The following ZNF536 variants were observed in gnomAD, a reference collection of about 807,000 sequenced individuals.
ZNF536 encodes the protein zinc finger protein 536.
Under a neutral mutation model 84.5 loss-of-function variants are expected in ZNF536, and 13 were observed. The observed-to-expected ratio is 0.15, with a 90% confidence interval of 0.10 to 0.24. ZNF536 has a LOEUF of 0.24. ZNF536 is among the 10% of genes least tolerant of loss of function. ZNF536 has a pLI of 1.00. For synonymous variants in ZNF536, 811 were observed against 742.5 expected, an observed-to-expected ratio of 1.09 and a Z score of -1.50; for missense variants, 1,536 against 1,747.5, an observed-to-expected ratio of 0.88 and a Z score of 2.16.
At chr19:30,712,102 GT>G (rs2052471218) in exon 2 of ZNF536, 1 of 152,010 alleles carries the variant, frequency 6.6e-6, no homozygotes, top group Admixed American at 6.5e-5. Flanking sequence ...GACGAAAACT[GT>G]TTGAGTTAAA....
At chr19:30,458,236 C>T (rs752683084) in intron 2 of ZNF536, among the ~76,000 whole-genome samples, 4 of 152,058 alleles carry the variant, frequency 2.6e-5, no homozygotes, top group Non-Finnish European at 4.4e-5. Flanking sequence ...TCCTCCACAT[C>T]ATGGGAATTT....
chr19:30,517,934 ACTTGGG>A (rs1439422805), intron 2 of ZNF536, among the ~76,000 whole-genome samples: 1 of 152,140 alleles, frequency 6.6e-6, no homozygotes, highest in Non-Finnish European at 1.5e-5. Flanking sequence ...ATAGGAAAGG[ACTTGGG>A]CGAGGTCATT....
intron 1 of ZNF536, among the ~76,000 whole-genome samples, chr19:30,663,851 C>T (rs2050208675): frequency 6.6e-6 from 1 of 152,178 alleles, no homozygotes; most frequent in African/African-American, 2.4e-5. Context: ...CTATTAAAGA[C>T]AGATCTTTAC....
At chr19:30,482,986 CCTT>C (rs2054150285) in intron 2 of ZNF536, among the ~76,000 whole-genome samples, 2 of 152,206 alleles carry the variant, frequency 1.3e-5, no homozygotes, top group Non-Finnish European at 2.9e-5. Flanking sequence ...GGACACCACT[CCTT>C]CACCATTTCT....
At chr19:30,234,954 C>A (rs569627764) in intron 1 of ZNF536, among the ~76,000 whole-genome samples, 1 of 152,122 alleles carries the variant, frequency 6.6e-6, no homozygotes, top group Non-Finnish European at 1.5e-5. Flanking sequence ...ATGCAAGTAC[C>A]AGATCGTAGG....
At chr19:30,338,441 G>A (rs898062756) in intron 2 of ZNF536, among the ~76,000 whole-genome samples, 19 of 151,580 alleles carry the variant, frequency 1.3e-4, no homozygotes, top group East Asian at 9.8e-4. Context: ...TGATGATGGC[G>A]ATGACAATGA....
At chr19:30,374,622 G>A (rs1029667706) in intron 1 of ZNF536, among the ~76,000 whole-genome samples, 1 of 152,024 alleles carries the variant, frequency 6.6e-6, no homozygotes, top group Admixed American at 6.6e-5. Flanking sequence ...CCTCTTTTGC[G>A]CAAAGACAAA....
At chr19:30,380,846 T>C (rs1488030885) in intron 1 of ZNF536, among the ~76,000 whole-genome samples, 1 of 152,154 alleles carries the variant, frequency 6.6e-6, no homozygotes, top group Non-Finnish European at 1.5e-5. Context: ...AAAATAAATT[T>C]ATTTATCTAA....
At chr19:30,289,268 C>T (rs1319664880) in intron 2 of ZNF536, among the ~76,000 whole-genome samples, 1 of 152,194 alleles carries the variant, frequency 6.6e-6, no homozygotes, top group Non-Finnish European at 1.5e-5. Context: ...TTTTTAGCTT[C>T]CACTGAAATT....
rs115395260 is a variant in ZNF536 at position 30,318,378 on chromosome 19, G to C, written c.-119-33990G>C. Among the ~76,000 whole-genome samples, 482 of 152,354 alleles carry C rather than the reference G, an allele frequency of 3.2e-3. 1 individual carries two copies. Among genetic ancestry groups the C allele is most frequent in the African/African-American group, 0.011 (456 of 41,584 alleles). On this transcript the variant is annotated intron_variant, in intron 2 of 5. Transcript: ENST00000585628. ...AAGGAACCGGGCAAACCACACGTAG[G>C]TCTGAAAAGAGCCAATGAAATGATG...
intron 1 of ZNF536, among the ~76,000 whole-genome samples, chr19:30,383,873 C>T (rs533066885): frequency 1.2e-4 from 13 of 105,238 alleles, no homozygotes; most frequent in East Asian, 3.0e-4. Context: ...CTTCCTTCCT[C>T]CCCCCTCCCT....
At chr19:30,685,763 C>A (rs913842118) in intron 1 of ZNF536, among the ~76,000 whole-genome samples, 1 of 152,182 alleles carries the variant, frequency 6.6e-6, no homozygotes, top group African/African-American at 2.4e-5. Flanking sequence ...GCCGCTGCCG[C>A]CGTCCTCCCC....
At chr19:30,287,128 T>C (rs2045656543) in intron 2 of ZNF536, among the ~76,000 whole-genome samples, 1 of 152,148 alleles carries the variant, frequency 6.6e-6, no homozygotes, top group Non-Finnish European at 1.5e-5. Context: ...ATTTCCTCAG[T>C]TCCTGAAATG....
chr19:30,462,953 G>A (rs890895810), intron 2 of ZNF536, among the ~76,000 whole-genome samples: 19 of 144,990 alleles, frequency 1.3e-4, no homozygotes, highest in Admixed American at 6.2e-4. Flanking sequence ...TGGGATGGGC[G>A]TATCCGTATG....
intron 1 of ZNF536, among the ~76,000 whole-genome samples, chr19:30,628,994 C>T (rs1047952690): frequency 9.9e-5 from 15 of 152,186 alleles, no homozygotes; most frequent in Middle Eastern, 3.4e-3. Flanking sequence ...TGGGCCACTG[C>T]GCCTGGCCCA....
intron 2 of ZNF536, among the ~76,000 whole-genome samples, chr19:30,328,853 A>G (rs1055973989): frequency 5.3e-5 from 8 of 152,228 alleles, no homozygotes; most frequent in African/African-American, 1.9e-4. Context: ...ATTAGAGACC[A>G]TCAAGAGGTA....
At chr19:30,285,949 A>G (rs1806607430) in intron 2 of ZNF536, among the ~76,000 whole-genome samples, 1 of 152,218 alleles carries the variant, frequency 6.6e-6, no homozygotes, top group Non-Finnish European at 1.5e-5. Flanking sequence ...ATGTCGGGGA[A>G]TTCCTGTCAG....
chr19:30,699,704 G>A (rs1472435674), intron 1 of ZNF536, among the ~76,000 whole-genome samples: 2 of 152,192 alleles, frequency 1.3e-5, no homozygotes, highest in African/African-American at 4.8e-5. Context: ...GCCCTGCTGA[G>A]CCACTGAGCC....
intron 2 of ZNF536, among the ~76,000 whole-genome samples, chr19:30,308,560 TG>T (rs1253261023): frequency 6.6e-6 from 1 of 152,024 alleles, no homozygotes; most frequent in African/African-American, 2.4e-5. Flanking sequence ...AGGGAGGGGA[TG>T]GGAGATTTTC....
Sources: allele counts gnomAD v4.1 joint callset (sites outside exome capture counted in the v4.1 genomes callset), GRCh38; gene constraint gnomAD v4.1.1; transcripts MANE v1.5; gene names NCBI Gene and HGNC (gene_info 2026-07-23, HGNC 2026-07-21).